CDH18: variants seen among roughly 807,000 people sequenced by gnomAD.
CDH18 encodes the protein cadherin 18.
In CDH18, 31 loss-of-function variants were observed where a neutral mutation model predicts 67.9. That is an observed-to-expected ratio of 0.46 (90% confidence interval 0.34 to 0.62). CDH18 has a LOEUF of 0.62. Ranked by LOEUF, CDH18 falls within the 20% of genes least tolerant of loss-of-function variation. The pLI is 0.01. For missense variants in CDH18, 890 were observed against 975.5 expected, an observed-to-expected ratio of 0.91 and a Z score of 1.17; for synonymous variants, 362 against 347.2, an observed-to-expected ratio of 1.04 and a Z score of -0.48.
At chr5:19,883,382 C>T (rs868413473) in intron 2 of CDH18, among the ~76,000 whole-genome samples, 1 of 152,010 alleles carries the variant, frequency 6.6e-6, no homozygotes, top group African/African-American at 2.4e-5. Flanking sequence ...TACACTGAAA[C>T]CTACTCTTGG....
At chr5:20,363,487 A>AG (rs1742263875) in intron 1 of CDH18, among the ~76,000 whole-genome samples, 1 of 150,174 alleles carries the variant, frequency 6.7e-6, no homozygotes, top group East Asian at 2.0e-4. Context: ...CAAAAAAAAA[A>AG]AAAAAAAAAA....
At chr5:20,295,788 G>A (rs1041898266) in intron 1 of CDH18, among the ~76,000 whole-genome samples, 3 of 151,106 alleles carry the variant, frequency 2.0e-5, no homozygotes, top group Non-Finnish European at 4.4e-5. Context: ...TTTTCAAAGC[G>A]AATTATTTTC....
At chr5:20,543,581 T>A (rs2126597063) in intron 1 of CDH18, among the ~76,000 whole-genome samples, 1 of 152,258 alleles carries the variant, frequency 6.6e-6, no homozygotes, top group South Asian at 2.1e-4. Flanking sequence ...TGCTTTTAAA[T>A]AGAATAGAAG....
At chr5:20,295,382 A>T (rs954983262) in intron 1 of CDH18, among the ~76,000 whole-genome samples, 1 of 152,168 alleles carries the variant, frequency 6.6e-6, no homozygotes, top group African/African-American at 2.4e-5. Flanking sequence ...GACAATGGAG[A>T]TTGAAAAGAA....
chr5:19,507,421 T>C (rs1744376984), intron 10 of CDH18, among the ~76,000 whole-genome samples: 1 of 152,134 alleles, frequency 6.6e-6, no homozygotes, highest in South Asian at 2.1e-4. Context: ...ACCCAAAGGA[T>C]TATAAATCAT....
chr5:20,104,380 C>T (rs1043753307), intron 2 of CDH18, among the ~76,000 whole-genome samples: 3 of 152,058 alleles, frequency 2.0e-5, no homozygotes, highest in Admixed American at 2.0e-4. Context: ...CTGCTCCATA[C>T]TAATTTTGTA....
At chr5:20,375,724 G>T (rs1743359371) in intron 1 of CDH18, among the ~76,000 whole-genome samples, 1 of 151,876 alleles carries the variant, frequency 6.6e-6, no homozygotes, top group African/African-American at 2.4e-5. Flanking sequence ...CAAATTAATT[G>T]TGCTCAATTT....
chr5:19,492,444 T>C (rs1358062718), intron 11 of CDH18, among the ~76,000 whole-genome samples: 1 of 152,170 alleles, frequency 6.6e-6, no homozygotes, highest in Non-Finnish European at 1.5e-5. Flanking sequence ...AATATGGCCA[T>C]AGTTTATTCA....
At chr5:20,052,863 G>T (rs1253976887) in intron 2 of CDH18, among the ~76,000 whole-genome samples, 1 of 151,924 alleles carries the variant, frequency 6.6e-6, no homozygotes, top group Non-Finnish European at 1.5e-5. Context: ...TGCTCTTGGG[G>T]GAAAATCATG....
At chr5:19,475,837 T>C (rs1579661488) in intron 12 of CDH18, among the ~76,000 whole-genome samples, 1 of 152,166 alleles carries the variant, frequency 6.6e-6, no homozygotes, top group East Asian at 1.9e-4. Flanking sequence ...CACCAGGTTA[T>C]CTAACTCTGA....
At chr5:20,358,810 A>G (rs1014313158) in intron 1 of CDH18, among the ~76,000 whole-genome samples, 2 of 152,170 alleles carry the variant, frequency 1.3e-5, no homozygotes, top group African/African-American at 2.4e-5. Context: ...ACAAATGTCC[A>G]TACTATATAT....
At chr5:19,479,113 G>A (rs1345367783) in intron 12 of CDH18, among the ~76,000 whole-genome samples, 3 of 152,172 alleles carry the variant, frequency 2.0e-5, no homozygotes, top group South Asian at 2.1e-4. Flanking sequence ...ATGACTCTAA[G>A]GTCCTTTCAA....
chr5:19,615,705 C>CCT (rs1749711577), intron 5 of CDH18, among the ~76,000 whole-genome samples: 1 of 152,194 alleles, frequency 6.6e-6, no homozygotes, highest in Non-Finnish European at 1.5e-5. Context: ...CCCTCCCCTC[C>CCT]CTCAACCCCT....
chr5:20,182,589 C>A (rs1737773764), intron 2 of CDH18, among the ~76,000 whole-genome samples: 2 of 94,174 alleles, frequency 2.1e-5, no homozygotes, highest in Non-Finnish European at 3.9e-5. Flanking sequence ...GCAACAAGAG[C>A]TAAATCTCAA....
At chr5:19,762,003 A>G (rs2149707545) in intron 3 of CDH18, among the ~76,000 whole-genome samples, 1 of 152,320 alleles carries the variant, frequency 6.6e-6, no homozygotes, top group Middle Eastern at 3.4e-3. Context: ...AGGATTCCCT[A>G]TTTAATAAAT....
At chr5:19,781,972 A>AAAAAT (rs1160407834) in intron 3 of CDH18, among the ~76,000 whole-genome samples, 4 of 152,234 alleles carry the variant, frequency 2.6e-5, no homozygotes, top group Non-Finnish European at 2.9e-5. Flanking sequence ...TTCTGGAAAG[A>AAAAAT]AAAATATATA....
intron 1 of CDH18, among the ~76,000 whole-genome samples, chr5:20,458,683 A>T (rs548423916): frequency 1.1e-3 from 171 of 152,312 alleles, no homozygotes; most frequent in African/African-American, 4.1e-3. Flanking sequence ...AAAAGGTTTT[A>T]CATTTCTTTC....
chr5:20,461,304 T>A (rs1406326897), intron 1 of CDH18, among the ~76,000 whole-genome samples: 1 of 152,170 alleles, frequency 6.6e-6, no homozygotes, highest in African/African-American at 2.4e-5. Flanking sequence ...TTCCTTTGTT[T>A]CTCTATCATG....
At chr5:19,701,109 A>G (rs1454400509) in intron 5 of CDH18, among the ~76,000 whole-genome samples, 1 of 152,186 alleles carries the variant, frequency 6.6e-6, no homozygotes, top group African/African-American at 2.4e-5. Flanking sequence ...AAATATGGCT[A>G]AAATATCAAA....
Sources: allele counts gnomAD v4.1 joint callset (sites outside exome capture counted in the v4.1 genomes callset), GRCh38; gene constraint gnomAD v4.1.1; transcripts MANE v1.5; gene names NCBI Gene and HGNC (gene_info 2026-07-23, HGNC 2026-07-21).